ATP8A1: variants seen among roughly 807,000 people sequenced by gnomAD.
ATP8A1 encodes ATPase phospholipid transporting 8A1, also known as phospholipid-transporting ATPase IA.
ATP8A1 carries 90 observed loss-of-function variants against 177.7 expected under a neutral mutation model. The observed-to-expected ratio is 0.51, with a 90% CI of 0.43 to 0.60. The LOEUF (loss-of-function observed/expected upper bound fraction) is 0.60, where lower values mean the gene tolerates loss of function less well. Ranked by LOEUF, ATP8A1 falls within the 20% of genes least tolerant of loss-of-function variation. The pLI, the probability that ATP8A1 is intolerant of heterozygous loss-of-function variation, is 0.00. For synonymous variants in ATP8A1, 493 were observed against 485.9 expected, an observed-to-expected ratio of 1.01 and a Z score of -0.19; for missense variants, 1,072 against 1,392.8, an observed-to-expected ratio of 0.77 and a Z score of 3.67.
intron 25 of ATP8A1, among the ~76,000 whole-genome samples, chr4:42,468,462 CAT>C (rs1560358857): frequency 6.0e-5 from 9 of 149,194 alleles, no homozygotes; most frequent in East Asian, 5.8e-4. Context: ...CAGACACACA[CAT>C]ACACATATAT....
At chr4:42,481,147 T>A (rs1358194198) in intron 25 of ATP8A1, among the ~76,000 whole-genome samples, 1 of 152,156 alleles carries the variant, frequency 6.6e-6, no homozygotes, top group South Asian at 2.1e-4. Flanking sequence ...CTGGAGGGAA[T>A]ATTAAAAGAG....
intron 23 of ATP8A1, among the ~76,000 whole-genome samples, 173 bp from the exon 24 acceptor site, chr4:42,503,687 T>A (rs1296141400): frequency 6.6e-6 from 1 of 152,176 alleles, no homozygotes; most frequent in African/African-American, 2.4e-5. Context: ...TTGCTTGCCA[T>A]AGGAGGGATA....
intron 5 of ATP8A1, among the ~76,000 whole-genome samples, chr4:42,610,700 T>C (rs1024193809): frequency 7.9e-5 from 12 of 152,194 alleles, no homozygotes; most frequent in South Asian, 2.1e-4. Flanking sequence ...ATTTTAGTAT[T>C]TGCATAATAC....
At chr4:42,524,688 AAGGATCCT>A in intron 21 of ATP8A1, 67 bp downstream of exon 21, 2 of 904,016 alleles carry the variant, frequency 2.2e-6, no homozygotes, top group Non-Finnish European at 3.4e-6. Context: ...TAATAATAAT[AAGGATCCT>A]GCAAGGTATC....
chr4:42,432,401 C>T (rs753967847), intron 33 of ATP8A1, among the ~76,000 whole-genome samples: 5 of 152,216 alleles, frequency 3.3e-5, no homozygotes, highest in Non-Finnish European at 7.3e-5. Context: ...GGGAACTTCA[C>T]ATCGACTATC....
chr4:42,613,458 C>G (rs1177726142), intron 5 of ATP8A1, among the ~76,000 whole-genome samples: 1 of 152,152 alleles, frequency 6.6e-6, no homozygotes, highest in African/African-American at 2.4e-5. Flanking sequence ...CATGTCCTTT[C>G]ATATACTTTA....
intron 27 of ATP8A1, among the ~76,000 whole-genome samples, chr4:42,461,369 CTG>C: frequency 2.0e-5 from 3 of 150,916 alleles, no homozygotes; most frequent in Non-Finnish European, 2.9e-5. Context: ...GTGGGAGGGA[CTG>C]GTGGGAGGTA....
intron 1 of ATP8A1, among the ~76,000 whole-genome samples, chr4:42,653,793 C>T (rs983627235): frequency 6.6e-6 from 1 of 152,198 alleles, no homozygotes; most frequent in African/African-American, 2.4e-5. Context: ...ATTTAAAATG[C>T]TTTGTAATCT....
chr4:42,503,425 T>C, intron 24 of ATP8A1, 25 bp downstream of exon 24: 1 of 1,402,086 alleles, frequency 7.1e-7, no homozygotes, highest in Non-Finnish European at 1.0e-6. Flanking sequence ...TTAAAGGAGT[T>C]TTAAAAATAC....
intron 33 of ATP8A1, among the ~76,000 whole-genome samples, chr4:42,438,255 G>C: frequency 6.6e-6 from 1 of 152,150 alleles, no homozygotes; most frequent in East Asian, 1.9e-4. Flanking sequence ...CTTTGTGTCT[G>C]TGAAATGTCT....
At chr4:42,517,255 T>C (rs1294313014) in intron 22 of ATP8A1, among the ~76,000 whole-genome samples, 3 of 143,050 alleles carry the variant, frequency 2.1e-5, no homozygotes, top group Non-Finnish European at 4.5e-5. Context: ...GAGCCGACAC[T>C]GCACTTTAGC....
In ATP8A1 at chr4:42,411,281, A is replaced by G. The variant is rs1712571033; in HGVS notation, c.*1635T>C. The G allele has an allele frequency of 6.6e-6, 1 of 152,208 alleles. No individual in the cohort carries two copies. The highest frequency in any genetic ancestry group is 2.4e-5 in the African/African-American group (1 of 41,464). The allele number at this position is 152,208 out of a possible 1,614,324, so 9.4% of individuals were successfully genotyped here. ...CAGACAAGGAAATGACATATATCCT[A>G]ATTTTAAATCTAGATTGAGAAAAAG... On this transcript the variant is annotated 3_prime_UTR_variant, in exon 37 of 37. Coordinates refer to ENST00000381668, the MANE Select transcript of ATP8A1 (RefSeq NM_006095.2).
intron 20 of ATP8A1, among the ~76,000 whole-genome samples, chr4:42,528,313 C>T (rs897467412): frequency 2.0e-5 from 3 of 152,112 alleles, no homozygotes; most frequent in East Asian, 1.9e-4. Context: ...CTGCCTCTCC[C>T]TAGAAAAATA....
intron 35 of ATP8A1, 35 bp from the exon 36 acceptor site, chr4:42,414,753 T>C (rs1332994395): frequency 1.9e-6 from 3 of 1,554,922 alleles, no homozygotes; most frequent in East Asian, 4.5e-5. Context: ...AAATGAATTA[T>C]CAACTCGGCA....
At chr4:42,463,881 A>C (rs2153182665) in intron 27 of ATP8A1, among the ~76,000 whole-genome samples, 1 of 152,334 alleles carries the variant, frequency 6.6e-6, no homozygotes, top group East Asian at 1.9e-4. Flanking sequence ...TATGTAACAA[A>C]GATCTAAGTT....
intron 15 of ATP8A1, among the ~76,000 whole-genome samples, chr4:42,567,594 T>A (rs1249330009): frequency 6.6e-6 from 1 of 152,184 alleles, no homozygotes; most frequent in African/African-American, 2.4e-5. Flanking sequence ...TTGTTATTTT[T>A]AAAAATCATT....
intron 24 of ATP8A1, 33 bp from the exon 25 acceptor site, chr4:42,485,701 C>A: frequency 1.3e-6 from 2 of 1,569,636 alleles, no homozygotes; most frequent in Non-Finnish European, 1.7e-6. Context: ...ATGCCATCAA[C>A]ATTTACTCCC....
chr4:42,415,270 G>GT, intron 35 of ATP8A1: 1 of 151,988 alleles, frequency 6.6e-6, no homozygotes, highest in Admixed American at 6.6e-5. Flanking sequence ...CACTAATATG[G>GT]TATGACATGT....
At chr4:42,604,510 G>C (rs765915148) in intron 5 of ATP8A1, among the ~76,000 whole-genome samples, 2 of 152,108 alleles carry the variant, frequency 1.3e-5, no homozygotes, top group African/African-American at 2.4e-5. Flanking sequence ...TAAAACCATT[G>C]CAACAGTTAT....
Sources: gnomAD v4.1 joint callset for allele counts (sites outside exome capture counted in the v4.1 genomes callset) on GRCh38, gnomAD v4.1.1 for gene constraint, MANE v1.5 for transcripts, NCBI Gene and HGNC (gene_info 2026-07-23, HGNC 2026-07-21) for gene names.